NRXN3: variants seen among roughly 807,000 people sequenced by gnomAD.
The protein encoded by NRXN3 is neurexin III.
NRXN3 carries 32 observed loss-of-function variants against 137.6 expected under a neutral mutation model. That is an observed-to-expected ratio of 0.23 (90% confidence interval 0.18 to 0.31). NRXN3 has a LOEUF of 0.31. Ranked by LOEUF, NRXN3 falls within the 10% of genes least tolerant of loss-of-function variation. NRXN3 has a pLI of 1.00. For missense variants in NRXN3, 1,574 were observed against 2,062.5 expected (o/e 0.76, Z 4.59); for synonymous variants, 798 against 784.5 (o/e 1.02, Z -0.29).
At chr14:79,257,985 C>T (rs1260771020) in intron 15 of NRXN3, among the ~76,000 whole-genome samples, 1 of 151,788 alleles carries the variant, frequency 6.6e-6, no homozygotes, top group Non-Finnish European at 1.5e-5. Flanking sequence ...CTTTTGTTAT[C>T]TCTTTGAATC....
chr14:79,349,949 G>T (rs1449190176), intron 15 of NRXN3, among the ~76,000 whole-genome samples: 1 of 152,190 alleles, frequency 6.6e-6, no homozygotes, highest in Non-Finnish European at 1.5e-5. Context: ...CTAGAACTGG[G>T]TGGCAATAAG....
chr14:78,221,738 G>T (rs141509393), intron 1 of NRXN3, among the ~76,000 whole-genome samples: 2 of 152,296 alleles, frequency 1.3e-5, no homozygotes, highest in Non-Finnish European at 2.9e-5. Context: ...GGCTGGAATA[G>T]CTCTGGTCAT....
At chr14:79,151,053 A>G (rs990417052) in intron 15 of NRXN3, among the ~76,000 whole-genome samples, 3 of 152,082 alleles carry the variant, frequency 2.0e-5, no homozygotes, top group Non-Finnish European at 2.9e-5. Flanking sequence ...TCAGGCTCTG[A>G]AAGAATTTTA....
chr14:79,846,038 C>G (rs2099369663), intron 20 of NRXN3, among the ~76,000 whole-genome samples: 1 of 151,674 alleles, frequency 6.6e-6, no homozygotes, highest in Non-Finnish European at 1.5e-5. Flanking sequence ...CATGGCACCC[C>G]AAAATAGTTA....
Position 79,814,687 on chromosome 14 carries a change from T to C in NRXN3, c.4093+9497T>C, listed in dbSNP as rs563703116. Among the ~76,000 whole-genome samples the C allele has an allele frequency of 2.0e-5, 3 of 152,348 alleles. 1 individual carries two copies. The South Asian group carries it at 6.2e-4, about 32-fold the overall frequency. On this transcript the variant is annotated intron_variant, in intron 20 of 20. Transcript: ENST00000335750. ...AGTTTTTTTCATAAATTATCAGTCTTCTAGTCAGAAACTTTTCTTCAGGAG... is the reference window on the plus strand; with the variant it reads ...AGTTTTTTTCATAAATTATCAGTCTCCTAGTCAGAAACTTTTCTTCAGGAG...
intron 4 of NRXN3, among the ~76,000 whole-genome samples, chr14:78,616,852 T>C (rs2097351908): frequency 6.6e-6 from 1 of 152,198 alleles, no homozygotes; most frequent in Non-Finnish European, 1.5e-5. Context: ...AATAAATGTT[T>C]GAATACATGA....
intron 6 of NRXN3, among the ~76,000 whole-genome samples, chr14:78,682,218 G>C (rs1354655285): frequency 6.6e-6 from 1 of 151,982 alleles, no homozygotes; most frequent in Non-Finnish European, 1.5e-5. Context: ...GGCTGGATTT[G>C]CCAAAACAAA....
intron 15 of NRXN3, among the ~76,000 whole-genome samples, chr14:79,395,138 C>T (rs2094977054): frequency 6.6e-6 from 1 of 152,128 alleles, no homozygotes; most frequent in African/African-American, 2.4e-5. Context: ...GTGCTAATTG[C>T]TGTGGGAAAG....
chr14:79,041,438 G>A (rs1015024322), intron 15 of NRXN3, among the ~76,000 whole-genome samples: 2 of 152,160 alleles, frequency 1.3e-5, no homozygotes, highest in African/African-American at 4.8e-5. Context: ...CGCAGAAAGT[G>A]CGCTGCACTA....
At chr14:79,367,145 A>G (rs1432929950) in intron 15 of NRXN3, among the ~76,000 whole-genome samples, 1 of 151,722 alleles carries the variant, frequency 6.6e-6, no homozygotes, top group Non-Finnish European at 1.5e-5. Context: ...CACCACGCCT[A>G]GCTTATTTTT....
At chr14:79,372,313 C>T (rs372714295) in intron 15 of NRXN3, among the ~76,000 whole-genome samples, 2 of 152,144 alleles carry the variant, frequency 1.3e-5, no homozygotes, top group South Asian at 4.1e-4. Flanking sequence ...CACAGGGTCT[C>T]TGTTCTTGTA....
rs57232548 is a variant in NRXN3 at position 78,510,040 on chromosome 14, T to TTATATATATATATATA, written c.758-135076_758-135061dup. The stretch of plus-strand genomic sequence containing the variant: ...AAGGCAGCCAGAACATGACAAAATT[T>TTATATATATATATATA]TATATATATATATATATATTTTGGC... On this transcript the variant is annotated intron_variant, in intron 4 of 20. Transcript: ENST00000335750. 2.5e-3 allele frequency among the ~76,000 whole-genome samples: 356 copies of TTATATATATATATATA among 144,480 alleles called. 8 individuals carry two copies. The highest frequency in any genetic ancestry group is 9.1e-3 in the African/African-American group (332 of 36,568). The allele number at this position is 144,480 out of a possible 152,430, so 94.8% of individuals were successfully genotyped here.
At chr14:78,190,672 ATTAC>A (rs2060642935) in intron 1 of NRXN3, among the ~76,000 whole-genome samples, 2 of 132,302 alleles carry the variant, frequency 1.5e-5, no homozygotes, top group African/African-American at 2.7e-5. Context: ...TACTTACTTA[ATTAC>A]TTACTTACTT....
intron 4 of NRXN3, among the ~76,000 whole-genome samples, chr14:78,439,440 T>C (rs1440498242): frequency 6.6e-6 from 1 of 152,224 alleles, no homozygotes; most frequent in Non-Finnish European, 1.5e-5. Context: ...TTTAGCGCTC[T>C]TTGGGAATTG....
intron 20 of NRXN3, among the ~76,000 whole-genome samples, chr14:79,812,308 T>A (rs1172928940): frequency 6.6e-6 from 1 of 152,140 alleles, no homozygotes. Flanking sequence ...CTAGAATAGG[T>A]GCTGGGAAAA....
At chr14:78,974,707 G>A (rs1022057420) in intron 14 of NRXN3, among the ~76,000 whole-genome samples, 8 of 151,716 alleles carry the variant, frequency 5.3e-5, no homozygotes, top group East Asian at 1.9e-4. Flanking sequence ...ATTTGGGGCC[G>A]TCTTACTCTT....
intron 4 of NRXN3, among the ~76,000 whole-genome samples, chr14:78,483,664 G>T (rs2095509138): frequency 6.6e-6 from 1 of 152,144 alleles, no homozygotes; most frequent in Non-Finnish European, 1.5e-5. Flanking sequence ...ATGGCATAGA[G>T]AAAAAAATAA....
intron 10 of NRXN3, among the ~76,000 whole-genome samples, chr14:78,845,936 G>A (rs548432356): frequency 1.9e-4 from 28 of 149,532 alleles, no homozygotes; most frequent in South Asian, 6.3e-4. Context: ...GTGTGTGTGT[G>A]TATGTGTGTG....
chr14:79,433,111 C>T (rs7141420), intron 15 of NRXN3, among the ~76,000 whole-genome samples: 84,551 of 152,000 alleles, frequency 0.56, 23,570 homozygotes, highest in Admixed American at 0.63. Flanking sequence ...AGGTTGGATC[C>T]ATTGTGCTTC....
Sources: gnomAD v4.1 joint callset for allele counts (sites outside exome capture counted in the v4.1 genomes callset) on GRCh38, gnomAD v4.1.1 for gene constraint, MANE v1.5 for transcripts, NCBI Gene and HGNC (gene_info 2026-07-23, HGNC 2026-07-21) for gene names.